Variants in TMEM132D observed in about 807,000 individuals in gnomAD.
The protein encoded by TMEM132D is transmembrane protein 132D.
A neutral mutation model predicts 62.3 loss-of-function variants in TMEM132D; 21 were observed. The ratio of observed to expected loss-of-function variants is 0.34; its 90% CI spans 0.24 to 0.49. TMEM132D has a LOEUF of 0.49. TMEM132D is among the 20% of genes least tolerant of loss of function. The pLI, the probability that TMEM132D is intolerant of heterozygous loss-of-function variation, is 0.99. For missense variants in TMEM132D, 1,346 were observed against 1,402.8 expected, an observed-to-expected ratio of 0.96 and a Z score of 0.65; for synonymous variants, 621 against 575.6, an observed-to-expected ratio of 1.08 and a Z score of -1.13.
At chr12:129,154,735 T>C (rs936324745) in intron 5 of TMEM132D, among the ~76,000 whole-genome samples, 6 of 152,238 alleles carry the variant, frequency 3.9e-5, no homozygotes, top group Non-Finnish European at 8.8e-5. Context: ...ATATCTTTTT[T>C]ATTTTTTAAA....
intron 1 of TMEM132D, among the ~76,000 whole-genome samples, chr12:129,884,725 A>C (rs79694359): frequency 0.021 from 3,262 of 152,342 alleles, 122 homozygotes; most frequent in African/African-American, 0.075. Context: ...TATCATGTTA[A>C]ACACACACAT....
intron 2 of TMEM132D, among the ~76,000 whole-genome samples, chr12:129,615,790 C>CAAAATAAAATAAAAT: frequency 7.2e-6 from 1 of 138,300 alleles, no homozygotes; most frequent in South Asian, 2.3e-4. Flanking sequence ...CAAAACAAAA[C>CAAAATAAAATAAAAT]AAAACAAAAT....
In TMEM132D at chr12:129,081,847, T is replaced by C. The variant is rs2135616103; in HGVS notation, c.1835A>G (p.Asp612Gly). ...CCTGGGCTCCTCCACCTGCATGAAG[T>C]CATTTATCAGCTCCGTGATGTCCAC... is the stretch of plus-strand genomic sequence containing the variant. ...WQVDITELIN[D>G]FMQVEEPRIA... Residue 612 changes from aspartate to glycine, a missense_variant, in exon 7 of 9, where the codon GAC (aspartate) becomes GGC (glycine). By Grantham distance (94) the Asp-to-Gly change is moderately conservative. Transcript: ENST00000422113. The C allele has an allele frequency of 6.2e-7, 1 of 1,613,798 alleles. No homozygotes were observed. Among genetic ancestry groups the C allele is most frequent in the South Asian group, 1.1e-5 (1 of 91,074 alleles).
intron 1 of TMEM132D, among the ~76,000 whole-genome samples, chr12:129,879,476 C>T (rs1169345226): frequency 1.3e-5 from 2 of 151,952 alleles, no homozygotes; most frequent in Non-Finnish European, 2.9e-5. Flanking sequence ...GCAGAGAAAC[C>T]AATTAGCGTG....
chr12:129,834,473 A>G (rs1426801298), intron 1 of TMEM132D, among the ~76,000 whole-genome samples: 1 of 108,520 alleles, frequency 9.2e-6, no homozygotes, highest in Non-Finnish European at 1.8e-5. Flanking sequence ...CATATCTCCC[A>G]TACAGTTTTC....
At chr12:129,830,151 G>A (rs1872785467) in intron 1 of TMEM132D, among the ~76,000 whole-genome samples, 1 of 152,048 alleles carries the variant, frequency 6.6e-6, no homozygotes, top group African/African-American at 2.4e-5. Flanking sequence ...TTCAGTCAAT[G>A]GAAGGATTGA....
intron 3 of TMEM132D, among the ~76,000 whole-genome samples, chr12:129,477,166 C>A (rs1874287965): frequency 6.6e-6 from 1 of 152,156 alleles, no homozygotes. Flanking sequence ...CCAGCAGCAA[C>A]CCCGTCTCCT....
At chr12:129,128,147 G>A (rs569606529) in intron 5 of TMEM132D, among the ~76,000 whole-genome samples, 8 of 152,324 alleles carry the variant, frequency 5.3e-5, no homozygotes, top group African/African-American at 9.6e-5. Flanking sequence ...ACAACTCTAG[G>A]CAACCCTGGA....
intron 3 of TMEM132D, among the ~76,000 whole-genome samples, chr12:129,358,585 T>C (rs1245310724): frequency 6.6e-6 from 1 of 152,188 alleles, no homozygotes; most frequent in Non-Finnish European, 1.5e-5. Context: ...GCATACAGTC[T>C]GTAGGGGAGG....
chr12:129,089,549 G>GA lies in TMEM132D; in HGVS notation c.1444-4848_1444-4847insT, dbSNP rs111418754. 8.1e-4 allele frequency among the ~76,000 whole-genome samples: 102 copies of GA among 126,540 alleles called. 3 individuals carry two copies. The highest frequency in any genetic ancestry group is 5.1e-3 in the African/African-American group (91 of 17,780). The allele number at this position is 126,540 out of a possible 152,430, so 83.0% of individuals were successfully genotyped here. Reference sequence around the variant, plus strand: ...ATGACCGGGTGTCCTCCATGACCGGGTGTCCTCCCTGACTGAGGTGTCTTC... The same window carrying GA: ...ATGACCGGGTGTCCTCCATGACCGGGATGTCCTCCCTGACTGAGGTGTCTTC... On this transcript the variant is annotated intron_variant, in intron 5 of 8. Transcript: ENST00000422113.
intron 1 of TMEM132D, among the ~76,000 whole-genome samples, chr12:129,833,001 C>T (rs1280158036): frequency 1.3e-5 from 2 of 152,212 alleles, no homozygotes; most frequent in African/African-American, 2.4e-5. Context: ...CCTTGACCTA[C>T]GGGTTCTTCA....
chr12:129,892,858 C>T (rs1874974919), intron 1 of TMEM132D, among the ~76,000 whole-genome samples: 1 of 151,934 alleles, frequency 6.6e-6, no homozygotes, highest in Non-Finnish European at 1.5e-5. Context: ...CATAATGGCG[C>T]CTGTTTTAAG....
intron 1 of TMEM132D, among the ~76,000 whole-genome samples, chr12:129,703,804 T>C (rs1881439368): frequency 6.6e-6 from 1 of 152,064 alleles, no homozygotes; most frequent in Non-Finnish European, 1.5e-5. Flanking sequence ...TTTGAAAGGA[T>C]CATTTTTCCC....
At chr12:129,771,014 T>C (rs1486621850) in intron 1 of TMEM132D, among the ~76,000 whole-genome samples, 4 of 152,224 alleles carry the variant, frequency 2.6e-5, no homozygotes, top group Non-Finnish European at 1.5e-5. Flanking sequence ...CCTGAGGACA[T>C]GACCCCTTCT....
rs34775349 is a variant in TMEM132D, at chr12:129,299,420, C to CTTTT, written c.1299+38210_1299+38213dup. ...CTCTTTTCTGTTTCACATAGTTGAA[C>CTTTT]TTTTTTTTTTTTTTTTTTGCCAATT... On this transcript the variant is annotated intron_variant, in intron 4 of 8. Transcript: ENST00000422113. 5.3e-3 allele frequency among the ~76,000 whole-genome samples: 675 copies of CTTTT among 127,610 alleles called. 10 individuals carry two copies. The highest frequency in any genetic ancestry group is 0.019 in the African/African-American group (645 of 34,144). 83.7% of individuals were successfully genotyped at this position (127,610 alleles called of 152,430 possible). A position where few individuals can be genotyped will look rare whatever the true frequency, so the allele number is the denominator to read the frequency against.
intron 4 of TMEM132D, among the ~76,000 whole-genome samples, chr12:129,211,220 A>G (rs1335944515): frequency 6.6e-6 from 1 of 152,176 alleles, no homozygotes; most frequent in African/African-American, 2.4e-5. Flanking sequence ...GAGGTGTTTT[A>G]TCAACATGCC....
intron 5 of TMEM132D, chr12:129,085,991 T>C (rs1874605265): frequency 6.6e-6 from 1 of 152,232 alleles, no homozygotes; most frequent in Non-Finnish European, 1.5e-5. Flanking sequence ...ATCCTTGGTA[T>C]CTATAAACGT....
At chr12:129,865,289 A>C (rs1874022776) in intron 1 of TMEM132D, among the ~76,000 whole-genome samples, 1 of 152,220 alleles carries the variant, frequency 6.6e-6, no homozygotes, top group South Asian at 2.1e-4. Flanking sequence ...ATGAACTTGG[A>C]GGCAGGGGTT....
At chr12:129,215,426 C>A (rs192790382) in intron 4 of TMEM132D, among the ~76,000 whole-genome samples, 1 of 152,274 alleles carries the variant, frequency 6.6e-6, no homozygotes, top group Admixed American at 6.5e-5. Flanking sequence ...AACAAACCTC[C>A]ATGACACATT....
Sources: allele counts gnomAD v4.1 joint callset (sites outside exome capture counted in the v4.1 genomes callset), GRCh38; gene constraint gnomAD v4.1.1; transcripts MANE v1.5; gene names NCBI Gene and HGNC (gene_info 2026-07-23, HGNC 2026-07-21).